The following CFAP20 variants were observed in gnomAD, a reference collection of about 807,000 sequenced individuals.
CFAP20 encodes the protein cilia and flagella associated protein 20, also known as cilia- and flagella-associated protein 20.
Under a neutral mutation model 25.5 loss-of-function variants are expected in CFAP20, and 14 were observed. That is an observed-to-expected ratio of 0.55 (90% CI 0.36 to 0.86). The LOEUF is 0.86. CFAP20 is among the 40% of genes least tolerant of loss of function. The pLI, the probability that CFAP20 is intolerant of heterozygous loss-of-function variation, is 0.01. For missense variants in CFAP20, 181 were observed against 248.0 expected, an observed-to-expected ratio of 0.73 and a Z score of 1.81; for synonymous variants, 75 against 91.1, an observed-to-expected ratio of 0.82 and a Z score of 1.01.
At chr16:58,114,686 T>C (rs746744287) in intron 5 of CFAP20, 124 bp downstream of exon 5, 135 of 701,052 alleles carry the variant, frequency 1.9e-4, no homozygotes, top group Non-Finnish European at 1.7e-4. Flanking sequence ...TCTTGCGATA[T>C]AAAGGCACCC....
intron 2 of CFAP20, 128 bp downstream of exon 2, chr16:58,116,744 G>GT (rs1477422304): frequency 1.3e-6 from 1 of 771,786 alleles, no homozygotes; most frequent in East Asian, 2.7e-5. Context: ...CTTGCCCATG[G>GT]TAAGCTCTAA....
intron 2 of CFAP20, 47 bp downstream of exon 2, chr16:58,116,825 C>T (rs1960463779): frequency 6.5e-7 from 1 of 1,537,590 alleles, no homozygotes; most frequent in Admixed American, 1.7e-5. Flanking sequence ...TGACGTACTG[C>T]CTCCCTAGTA....
At chr16:58,115,042 C>G in intron 4 of CFAP20, 122 bp from the exon 5 acceptor site, 1 of 1,034,854 alleles carries the variant, frequency 9.7e-7, no homozygotes, top group Non-Finnish European at 1.4e-6. Context: ...CTTGGCTTGT[C>G]TTAGGGATGG....
At chr16:58,128,842 C>CG (rs1491117133) in intron 1 of CFAP20, among the ~76,000 whole-genome samples, 190 bp downstream of exon 1, 1 of 146,412 alleles carries the variant, frequency 6.8e-6, no homozygotes, top group Non-Finnish European at 1.5e-5. Flanking sequence ...GCCCCCCCCC[C>CG]ACCTCCTCCG....
chr16:58,129,153 G>C lies in CFAP20; in HGVS notation c.-38C>G. 1 of 1,607,376 alleles carries C rather than the reference G, an allele frequency of 6.2e-7. No individual in the cohort carries two copies. Among genetic ancestry groups the C allele is most frequent in the Non-Finnish European group, 8.5e-7 (1 of 1,176,444 alleles). The stretch of plus-strand genomic sequence containing the variant: ...CTTCTCCTAAGCCGCCCCCGGAGCC[G>C]ACCTAGGCCCCGGAGTAGATACAGG... On this transcript the variant is annotated 5_prime_UTR_variant, in exon 1 of 6. Coordinates refer to ENST00000262498, the MANE Select transcript of CFAP20 (RefSeq NM_013242.3).
At chr16:58,117,918 G>A (rs1960480919) in intron 1 of CFAP20, among the ~76,000 whole-genome samples, 1 of 152,142 alleles carries the variant, frequency 6.6e-6, no homozygotes, top group South Asian at 2.1e-4. Context: ...ACACACAGAT[G>A]CCTTCTTTAG....
chr16:58,116,742 T>C (rs1035545281), intron 2 of CFAP20, 130 bp downstream of exon 2: 5 of 749,568 alleles, frequency 6.7e-6, no homozygotes, highest in Admixed American at 2.7e-5. Context: ...AACTTGCCCA[T>C]GGTAAGCTCT....
At chr16:58,115,610 T>C (rs929943310) in intron 3 of CFAP20, 153 bp from the exon 4 acceptor site, 5 of 842,760 alleles carry the variant, frequency 5.9e-6, no homozygotes, top group African/African-American at 1.7e-5. Context: ...ATACACTGCA[T>C]GCAGATGGCC....
intron 3 of CFAP20, chr16:58,115,680 AAC>A (rs1345178507): frequency 1.2e-5 from 7 of 595,628 alleles, no homozygotes; most frequent in Non-Finnish European, 2.1e-5. Context: ...TATGACATAT[AAC>A]ACAGTCAGCA....
intron 1 of CFAP20, among the ~76,000 whole-genome samples, chr16:58,127,416 C>T (rs1286575538): frequency 6.6e-6 from 1 of 152,232 alleles, no homozygotes; most frequent in African/African-American, 2.4e-5. Context: ...TATACTGACA[C>T]TTTGTTACAA....
chr16:58,114,049 G>C lies in CFAP20; in HGVS notation c.577-19C>G. The C allele has an allele frequency of 6.2e-7, 1 of 1,613,374 alleles. No homozygotes were observed. The highest frequency in any genetic ancestry group is 8.5e-7 in the Non-Finnish European group (1 of 1,179,302). ...GTTATTGCTGAAGGGAAAAAACAGAGAAGTGGCATCAGTTTAAGTTACTAG... is the reference window on the plus strand; with the variant it reads ...GTTATTGCTGAAGGGAAAAAACAGACAAGTGGCATCAGTTTAAGTTACTAG... On this transcript the variant is annotated intron_variant, in intron 5 of 5. Transcript: ENST00000262498.
rs556896008 is a variant in CFAP20 at position 58,115,014 on chromosome 16, C to T, written c.466-94G>A. ...AGGCCCTCTTCCAGGACTGGAAACGCGTCATCTCCGGCATCTCCTTGGCTT... is the reference window on the plus strand; with the variant it reads ...AGGCCCTCTTCCAGGACTGGAAACGTGTCATCTCCGGCATCTCCTTGGCTT... On this transcript the variant is annotated intron_variant, in intron 4 of 5. Transcript: ENST00000262498. 1.7e-4 allele frequency: 201 copies of T among 1,163,392 alleles called. 2 individuals carry two copies. In the South Asian group the frequency reaches 2.5e-3, roughly 15 times the overall value. The allele number at this position is 1,163,392 out of a possible 1,614,324, so 72.1% of individuals were successfully genotyped here.
chr16:58,119,864 G>A (rs374807123), intron 1 of CFAP20, among the ~76,000 whole-genome samples: 33 of 110,660 alleles, frequency 3.0e-4, no homozygotes, highest in East Asian at 1.2e-3. Flanking sequence ...CCCAACCTAA[G>A]TGCCCACCTC....
intron 1 of CFAP20, among the ~76,000 whole-genome samples, chr16:58,123,727 G>C (rs1228935667): frequency 6.7e-6 from 1 of 149,396 alleles, no homozygotes; most frequent in Non-Finnish European, 1.5e-5. Context: ...TTAAACGTAA[G>C]AGTCTTTTAA....
At chr16:58,124,111 C>T (rs544817171) in intron 1 of CFAP20, among the ~76,000 whole-genome samples, 25 of 152,088 alleles carry the variant, frequency 1.6e-4, no homozygotes, top group Non-Finnish European at 2.9e-4. Flanking sequence ...GAGGGGGAAC[C>T]GGGTGAAGTG....
chr16:58,127,921 A>T (rs868594382), intron 1 of CFAP20, among the ~76,000 whole-genome samples: 1 of 152,188 alleles, frequency 6.6e-6, no homozygotes, highest in Non-Finnish European at 1.5e-5. Context: ...AAGGGAATAC[A>T]GAGACGTGTT....
At chr16:58,125,935 A>G (rs1049727548) in intron 1 of CFAP20, among the ~76,000 whole-genome samples, 1 of 152,088 alleles carries the variant, frequency 6.6e-6, no homozygotes, top group African/African-American at 2.4e-5. Context: ...CACCACTGTC[A>G]TGTGTAAGGT....
In CFAP20 at chr16:58,129,151, C is replaced by T. The variant is rs750286500; in HGVS notation, c.-36G>A. On this transcript the variant is annotated 5_prime_UTR_variant, in exon 1 of 6. Transcript: ENST00000262498. ...GCCTTCTCCTAAGCCGCCCCCGGAG[C>T]CGACCTAGGCCCCGGAGTAGATACA... is the stretch of plus-strand genomic sequence containing the variant. 3 of 1,608,508 alleles carry T rather than the reference C, an allele frequency of 1.9e-6. No individual in the cohort carries two copies. The highest frequency in any genetic ancestry group is 2.5e-6 in the Non-Finnish European group (3 of 1,177,494).
intron 1 of CFAP20, 67 bp downstream of exon 1, chr16:58,128,965 C>G (rs1292431376): frequency 6.6e-7 from 1 of 1,524,878 alleles, no homozygotes; most frequent in East Asian, 2.3e-5. Flanking sequence ...CATTCCCCGT[C>G]CCCAGCCCCC....
Sources: allele counts gnomAD v4.1 joint callset (sites outside exome capture counted in the v4.1 genomes callset), GRCh38; gene constraint gnomAD v4.1.1; transcripts MANE v1.5; gene names NCBI Gene and HGNC (gene_info 2026-07-23, HGNC 2026-07-21).